Variants in MEF2A observed in about 807,000 individuals in gnomAD.
MEF2A encodes myocyte enhancer factor 2A.
In MEF2A, 28 loss-of-function variants were observed where a neutral mutation model predicts 55.8. The ratio of observed to expected loss-of-function variants is 0.50; its 90% CI spans 0.37 to 0.69. The LOEUF (loss-of-function observed/expected upper bound fraction) is 0.69. MEF2A is among the 30% of genes least tolerant of loss of function. MEF2A has a pLI of 0.00. For synonymous variants in MEF2A, 239 were observed against 227.1 expected (o/e 1.05, Z -0.47); for missense variants, 528 against 626.2 (o/e 0.84, Z 1.67).
intron 4 of MEF2A, among the ~76,000 whole-genome samples, chr15:99,660,629 TAAGA>T (rs1257782115): frequency 6.6e-6 from 1 of 152,210 alleles, no homozygotes; most frequent in Non-Finnish European, 1.5e-5. Flanking sequence ...TTTGTATGAA[TAAGA>T]AAGAAATAAA....
chr15:99,631,611 A>G (rs1260480871), intron 2 of MEF2A, among the ~76,000 whole-genome samples: 1 of 151,338 alleles, frequency 6.6e-6, no homozygotes, highest in African/African-American at 2.4e-5. Context: ...TTTTTCTTCT[A>G]CTAGACTCTG....
chr15:99,644,951 C>G (rs538662932), intron 3 of MEF2A, among the ~76,000 whole-genome samples: 1 of 152,170 alleles, frequency 6.6e-6, no homozygotes, highest in East Asian at 1.9e-4. Flanking sequence ...AAAGACATCT[C>G]TTTTAGGGCC....
At chr15:99,644,172 A>C (rs1287617149) in intron 3 of MEF2A, among the ~76,000 whole-genome samples, 1 of 152,204 alleles carries the variant, frequency 6.6e-6, no homozygotes, top group African/African-American at 2.4e-5. Context: ...TGAGACTGTT[A>C]AAGAGATTAG....
chr15:99,582,826 C>T (rs1966320973), intron 1 of MEF2A, among the ~76,000 whole-genome samples: 1 of 152,060 alleles, frequency 6.6e-6, no homozygotes, highest in Non-Finnish European at 1.5e-5. Context: ...ACTTTTATAG[C>T]AGAGAGGTCT....
rs1417806788 is a variant in MEF2A at position 99,714,183 on chromosome 15, A to G, written c.*1412A>G. On this transcript the variant is annotated 3_prime_UTR_variant, in exon 12 of 12. Transcript: ENST00000557942. ...TGTACATAAATAGCAAAGTGGCAAA[A>G]AAAATTGGTGTTAAGTTCATCCTGC... 1.3e-5 allele frequency: 2 copies of G among 152,010 alleles called. No homozygotes were observed. The highest frequency in any genetic ancestry group is 2.9e-5 in the Non-Finnish European group (2 of 67,958). 9.4% of individuals were successfully genotyped at this position (152,010 alleles called of 1,614,324 possible).
At chr15:99,659,193 C>G (rs1367970018) in intron 4 of MEF2A, among the ~76,000 whole-genome samples, 1 of 151,866 alleles carries the variant, frequency 6.6e-6, no homozygotes, top group Admixed American at 6.6e-5. Flanking sequence ...TACATTCTTT[C>G]TGGTGACAAG....
rs550293817 is a variant in MEF2A at position 99,595,023 on chromosome 15, C to G, written c.-224-3407C>G. On this transcript the variant is annotated intron_variant, in intron 1 of 11. Transcript: ENST00000557942. The stretch of plus-strand genomic sequence containing the variant: ...TAGTAGGCATTCATTTTTTTTCCAC[C>G]TCTTTATTCACCAAAAGCATTTACT... Among the ~76,000 whole-genome samples, 4 of 152,120 alleles carry G rather than the reference C, an allele frequency of 2.6e-5. No homozygotes were observed. In the East Asian group the frequency reaches 5.8e-4, roughly 22 times the overall value.
rs1179604858 is a variant in MEF2A, at chr15:99,566,009, T to TC, written c.-317dup. ...ATCCGTGCGCGGATGTCCCGGCGAG[T>TC]CCCGGGCTGAAAGAGGCGGCTCCGG... On this transcript the variant is annotated 5_prime_UTR_variant, in exon 1 of 12. The change abolishes the stop of an existing upstream ORF in the 5' untranslated region. Transcript: ENST00000557942. 3 of 152,174 alleles carry TC rather than the reference T, an allele frequency of 2.0e-5. No individual in the cohort carries two copies. Among genetic ancestry groups the TC allele is most frequent in the African/African-American group, 7.3e-5 (3 of 41,330 alleles). 9.4% of individuals were successfully genotyped at this position (152,174 alleles called of 1,614,324 possible).
chr15:99,575,361 G>A (rs916886361), intron 1 of MEF2A, among the ~76,000 whole-genome samples: 8 of 151,776 alleles, frequency 5.3e-5, no homozygotes, highest in African/African-American at 1.9e-4. Flanking sequence ...TAATTTTTGG[G>A]TTTTGTAGAG....
chr15:99,715,946 CCCTTT>C lies in MEF2A; in HGVS notation c.*3181_*3185del, dbSNP rs758660420. The stretch of plus-strand genomic sequence containing the variant: ...TTCTACAAGAACAATACATGTTTTA[CCCTTT>C]CCTTTAACTAGAAGGATAACTAGTA... On this transcript the variant is annotated 3_prime_UTR_variant, in exon 12 of 12. Transcript: ENST00000557942. 41 of 153,286 alleles carry C rather than the reference CCCTTT, an allele frequency of 2.7e-4. No homozygotes were observed. Among genetic ancestry groups the C allele is most frequent in the Non-Finnish European group, 4.8e-4 (33 of 68,710 alleles). 9.5% of individuals were successfully genotyped at this position (153,286 alleles called of 1,614,324 possible). A position where few individuals can be genotyped will look rare whatever the true frequency, so the allele number is the denominator to read the frequency against.
intron 3 of MEF2A, among the ~76,000 whole-genome samples, chr15:99,634,519 TTTATTGGGGAA>T (rs1170963741): frequency 1.3e-5 from 2 of 152,088 alleles, no homozygotes; most frequent in Non-Finnish European, 2.9e-5. Flanking sequence ...TAAAATAGGG[TTTATTGGGGAA>T]TAACATACAA....
intron 2 of MEF2A, among the ~76,000 whole-genome samples, chr15:99,624,065 C>G (rs1201197245): frequency 6.6e-6 from 1 of 152,202 alleles, no homozygotes; most frequent in Non-Finnish European, 1.5e-5. Flanking sequence ...CTCGACCTCC[C>G]AAAGCGTTGG....
intron 4 of MEF2A, among the ~76,000 whole-genome samples, chr15:99,652,109 A>C (rs1226868366): frequency 1.3e-5 from 2 of 152,172 alleles, no homozygotes; most frequent in Non-Finnish European, 2.9e-5. Context: ...AAGAGGATGG[A>C]GATAAAGTTG....
intron 11 of MEF2A, among the ~76,000 whole-genome samples, chr15:99,711,632 G>A (rs1201937991): frequency 6.6e-6 from 1 of 152,192 alleles, no homozygotes; most frequent in Non-Finnish European, 1.5e-5. Flanking sequence ...CCTAGCCTCT[G>A]CCCAGGAAGT....
Position 99,646,701 on chromosome 15 carries a change from G to A in MEF2A, c.258+937G>A, listed in dbSNP as rs117707254. On this transcript the variant is annotated intron_variant, in intron 4 of 11. Coordinates refer to ENST00000557942, the MANE Select transcript of MEF2A (RefSeq NM_001319206.4). ...AAATTAAAGATAATTTAGCTGTTTTGTTGTATAGGAATCTAATTTATTTGC... is the reference window on the plus strand; with the variant it reads ...AAATTAAAGATAATTTAGCTGTTTTATTGTATAGGAATCTAATTTATTTGC... 3.4e-4 allele frequency among the ~76,000 whole-genome samples: 52 copies of A among 152,122 alleles called. 1 individual carries two copies. In the East Asian group the frequency reaches 8.5e-3, roughly 25 times the overall value.
chr15:99,592,303 A>G (rs1474150788), intron 1 of MEF2A, among the ~76,000 whole-genome samples: 1 of 151,572 alleles, frequency 6.6e-6, no homozygotes, highest in Non-Finnish European at 1.5e-5. Flanking sequence ...TTTTTATTAT[A>G]CTGCTTCCTG....
chr15:99,594,166 C>G lies in MEF2A; in HGVS notation c.-224-4264C>G, dbSNP rs570623909. Among the ~76,000 whole-genome samples, 144 of 152,166 alleles carry G rather than the reference C, an allele frequency of 9.5e-4. 6 individuals are homozygous for G. The highest frequency in any genetic ancestry group is 2.4e-4 in the Non-Finnish European group (16 of 68,022). ...CCACTTCAGATGCCAACTACAAGTCCCTGGTTGTGATCAGTACTTCTGATC... is the reference window on the plus strand; with the variant it reads ...CCACTTCAGATGCCAACTACAAGTCGCTGGTTGTGATCAGTACTTCTGATC... On this transcript the variant is annotated intron_variant, in intron 1 of 11. Transcript: ENST00000557942.
intron 1 of MEF2A, among the ~76,000 whole-genome samples, chr15:99,578,531 C>T (rs1965003291): frequency 6.6e-6 from 1 of 152,218 alleles, no homozygotes; most frequent in Non-Finnish European, 1.5e-5. Flanking sequence ...AGCCCTGGCT[C>T]CTTGTTTTGG....
At chr15:99,668,299 AATTG>A (rs1198163709) in intron 4 of MEF2A, among the ~76,000 whole-genome samples, 1 of 152,226 alleles carries the variant, frequency 6.6e-6, no homozygotes, top group African/African-American at 2.4e-5. Flanking sequence ...CATCGGCTTA[AATTG>A]ATTAATAATT....
Sources: allele counts gnomAD v4.1 joint callset (sites outside exome capture counted in the v4.1 genomes callset), GRCh38; gene constraint gnomAD v4.1.1; transcripts MANE v1.5; gene names NCBI Gene and HGNC (gene_info 2026-07-23, HGNC 2026-07-21).